DLG2: variants seen among roughly 807,000 people sequenced by gnomAD.
DLG2 encodes disks large homolog 2.
Under a neutral mutation model 132.5 loss-of-function variants are expected in DLG2, and 45 were observed. The ratio of observed to expected loss-of-function variants is 0.34; its 90% confidence interval spans 0.27 to 0.44. The LOEUF is 0.44. Among genes scored for constraint, DLG2 ranks in the 20% least tolerant of loss-of-function variants. The probability of loss-of-function intolerance (pLI) is 1.00; values close to 1 mark genes in which losing one functional copy is unlikely to be tolerated. For missense variants in DLG2, 1,045 were observed against 1,196.9 expected (o/e 0.87, Z 1.87); for synonymous variants, 424 against 419.6 (o/e 1.01, Z -0.13).
chr11:85,319,308 T>A (rs1224185273), intron 3 of DLG2, among the ~76,000 whole-genome samples: 1 of 151,838 alleles, frequency 6.6e-6, no homozygotes, highest in Admixed American at 6.6e-5. Context: ...TCTTTCAAAC[T>A]CATCTAAAAG....
intron 6 of DLG2, among the ~76,000 whole-genome samples, chr11:84,540,436 G>T (rs1325310820): frequency 3.3e-5 from 5 of 151,768 alleles, no homozygotes; most frequent in South Asian, 4.2e-4. Context: ...ACAGACACAT[G>T]AAAAAATGCT....
intron 19 of DLG2, among the ~76,000 whole-genome samples, chr11:83,550,795 G>A (rs551747446): frequency 1.2e-4 from 19 of 152,252 alleles, no homozygotes; most frequent in Admixed American, 5.9e-4. Flanking sequence ...TGTTAACTGA[G>A]ATATTTCAGA....
intron 7 of DLG2, among the ~76,000 whole-genome samples, chr11:84,432,521 G>A (rs1333311563): frequency 6.8e-6 from 1 of 146,734 alleles, no homozygotes; most frequent in Non-Finnish European, 1.5e-5. Flanking sequence ...ATAGCAAAGA[G>A]CAAGGCTAAT....
chr11:85,513,094 G>C (rs2094109441), intron 3 of DLG2, among the ~76,000 whole-genome samples: 1 of 151,864 alleles, frequency 6.6e-6, no homozygotes, highest in Admixed American at 6.6e-5. Context: ...CACAGAAAGA[G>C]AAAACAAAAC....
intron 26 of DLG2, 174 bp from the exon 27 acceptor site, chr11:83,462,267 C>T (rs1466573076): frequency 2.5e-5 from 14 of 554,540 alleles, no homozygotes; most frequent in Non-Finnish European, 4.2e-5. Context: ...CAAGGACTCA[C>T]GGCCAGAAAG....
At chr11:84,052,266 A>G (rs940029103) in intron 11 of DLG2, among the ~76,000 whole-genome samples, 1 of 151,928 alleles carries the variant, frequency 6.6e-6, no homozygotes, top group South Asian at 2.1e-4. Context: ...ATGTGCATAT[A>G]CACATAACAT....
chr11:83,936,521 T>C (rs1040420190), intron 14 of DLG2, among the ~76,000 whole-genome samples: 7 of 152,226 alleles, frequency 4.6e-5, no homozygotes, highest in South Asian at 2.1e-4. Context: ...AGTCTGCAAA[T>C]ACTTACTATT....
At chr11:83,748,779 G>A (rs1218989447) in intron 18 of DLG2, among the ~76,000 whole-genome samples, 1 of 152,162 alleles carries the variant, frequency 6.6e-6, no homozygotes, top group African/African-American at 2.4e-5. Context: ...GTAGAAAATA[G>A]AAATGTATGA....
At chr11:84,539,754 T>A (rs1385339859) in intron 6 of DLG2, among the ~76,000 whole-genome samples, 1 of 152,050 alleles carries the variant, frequency 6.6e-6, no homozygotes, top group African/African-American at 2.4e-5. Flanking sequence ...GCCAAGACAA[T>A]CCTAAGCCAA....
intron 7 of DLG2, among the ~76,000 whole-genome samples, chr11:84,520,709 C>G (rs1391510691): frequency 6.6e-6 from 1 of 152,076 alleles, no homozygotes; most frequent in Non-Finnish European, 1.5e-5. Context: ...AAAATAGGGA[C>G]TAGGGAAATA....
intron 4 of DLG2, among the ~76,000 whole-genome samples, chr11:85,274,152 T>C (rs906657161): frequency 1.3e-5 from 2 of 152,066 alleles, no homozygotes; most frequent in African/African-American, 2.4e-5. Context: ...ATACCTAATG[T>C]AAATGATGAG....
chr11:84,767,488 T>C (rs1372774113), intron 6 of DLG2, among the ~76,000 whole-genome samples: 1 of 152,120 alleles, frequency 6.6e-6, no homozygotes, highest in Non-Finnish European at 1.5e-5. Flanking sequence ...GTGCTCATGA[T>C]ACATTAACTG....
intron 7 of DLG2, among the ~76,000 whole-genome samples, chr11:84,382,076 T>C (rs982594496): frequency 6.6e-6 from 1 of 152,074 alleles, no homozygotes; most frequent in Non-Finnish European, 1.5e-5. Context: ...ACAATAAATA[T>C]CCACCCTAAC....
At chr11:84,508,588 C>T (rs1345184671) in intron 7 of DLG2, among the ~76,000 whole-genome samples, 5 of 151,792 alleles carry the variant, frequency 3.3e-5, no homozygotes, top group Non-Finnish European at 7.4e-5. Context: ...TTAGTAGAGA[C>T]AGGGTTTCAC....
intron 6 of DLG2, among the ~76,000 whole-genome samples, chr11:84,856,745 A>G (rs1322116757): frequency 1.3e-5 from 2 of 152,092 alleles, no homozygotes; most frequent in Non-Finnish European, 2.9e-5. Flanking sequence ...GACTGAGACG[A>G]AAGTCCCTAA....
In DLG2 at chr11:84,719,531, T is replaced by C. The variant is rs372570255; in HGVS notation, c.358-184800A>G. Among the ~76,000 whole-genome samples the C allele has an allele frequency of 6.6e-5, 10 of 152,190 alleles. No individual in the cohort carries two copies. The East Asian group carries it at 1.5e-3, about 23-fold the overall frequency. On this transcript the variant is annotated intron_variant, in intron 6 of 27. Coordinates refer to ENST00000376104, the MANE Select transcript of DLG2 (RefSeq NM_001142699.3). Reference sequence around the variant, plus strand: ...AAAACTGTTCAAACACCAAGTTCTATGCATCTTTTTCAAGGAGTGCGTCGT... The same window carrying C: ...AAAACTGTTCAAACACCAAGTTCTACGCATCTTTTTCAAGGAGTGCGTCGT...
intron 7 of DLG2, among the ~76,000 whole-genome samples, chr11:84,393,208 A>G (rs2098798995): frequency 6.6e-6 from 1 of 152,186 alleles, no homozygotes; most frequent in Non-Finnish European, 1.5e-5. Flanking sequence ...CTTTAAAGAA[A>G]TAACACAAAA....
At chr11:84,639,214 C>G (rs1365319556) in intron 6 of DLG2, among the ~76,000 whole-genome samples, 2 of 151,904 alleles carry the variant, frequency 1.3e-5, no homozygotes, top group Non-Finnish European at 2.9e-5. Context: ...ACATTTTGGT[C>G]TAATATAATC....
chr11:83,474,573 T>G (rs748117637), intron 22 of DLG2, among the ~76,000 whole-genome samples: 7 of 152,146 alleles, frequency 4.6e-5, no homozygotes, highest in Non-Finnish European at 1.0e-4. Flanking sequence ...CAGGTAACTC[T>G]TGGACCTCCT....
Sources: gnomAD v4.1 joint callset for allele counts (sites outside exome capture counted in the v4.1 genomes callset) on GRCh38, gnomAD v4.1.1 for gene constraint, MANE v1.5 for transcripts, NCBI Gene and HGNC (gene_info 2026-07-23, HGNC 2026-07-21) for gene names.